MAN1A2: variants seen among roughly 807,000 people sequenced by gnomAD.
MAN1A2 encodes the protein mannosidase alpha class 1A member 2, also known as mannosyl-oligosaccharide 1,2-alpha-mannosidase IB.
In MAN1A2, 26 loss-of-function variants were observed where a neutral mutation model predicts 75.7. The observed-to-expected ratio is 0.34, with a 90% CI of 0.25 to 0.48. The LOEUF (loss-of-function observed/expected upper bound fraction) is 0.48. Ranked by LOEUF, MAN1A2 falls within the 20% of genes least tolerant of loss-of-function variation. MAN1A2 has a pLI of 0.99. For synonymous variants in MAN1A2, 247 were observed against 264.6 expected (o/e 0.93, Z 0.65); for missense variants, 562 against 775.5 (o/e 0.72, Z 3.27).
At chr1:117,516,789 C>G (rs1651724865) in intron 12 of MAN1A2, among the ~76,000 whole-genome samples, 1 of 152,062 alleles carries the variant, frequency 6.6e-6, no homozygotes, top group Non-Finnish European at 1.5e-5. Flanking sequence ...GGAGATGAAG[C>G]TGTGAGTGTG....
chr1:117,525,104 T>G lies in MAN1A2; in HGVS notation c.*2147T>G, dbSNP rs1256849325. Reference sequence around the variant, plus strand: ...GGTTCTGCAGGAACTTCTCAAGGGATGAGGAGACAGAACCCCTACTTCCAA... The same window carrying G: ...GGTTCTGCAGGAACTTCTCAAGGGAGGAGGAGACAGAACCCCTACTTCCAA... On this transcript the variant is annotated 3_prime_UTR_variant, in exon 13 of 13. Transcript: ENST00000356554. 2 of 528,870 alleles carry G rather than the reference T, an allele frequency of 3.8e-6. No individual in the cohort carries two copies. Among genetic ancestry groups the G allele is most frequent in the Admixed American group, 3.9e-5 (2 of 50,994 alleles). 32.8% of individuals were successfully genotyped at this position (528,870 alleles called of 1,614,324 possible).
At chr1:117,383,141 C>T (rs1031484283) in intron 1 of MAN1A2, among the ~76,000 whole-genome samples, 1 of 152,156 alleles carries the variant, frequency 6.6e-6, no homozygotes. Flanking sequence ...CAGTCTTTCA[C>T]CATTGAGTGT....
rs912782313 is a variant in MAN1A2, at chr1:117,463,122, AAAT to A, written c.1074+2511_1074+2513del. 1.2e-4 allele frequency among the ~76,000 whole-genome samples: 18 copies of A among 150,716 alleles called. 1 individual carries two copies. The highest frequency in any genetic ancestry group is 1.5e-5 in the Non-Finnish European group (1 of 67,650). On this transcript the variant is annotated intron_variant, in intron 7 of 12. Coordinates refer to ENST00000356554, the MANE Select transcript of MAN1A2 (RefSeq NM_006699.5). ...AATATTTTTATATTAATTATGTTAA[AAAT>A]TATTTTTATATCAATTATATTAATA...
Position 117,526,880 on chromosome 1 carries a change from C to CTCTCTCTCTCTCTCTCTCTATATATA in MAN1A2, c.*3924_*3925insCTCTCTCTCTCTCTCTCTATATATAT. 2 of 54,522 alleles carry CTCTCTCTCTCTCTCTCTCTATATATA rather than the reference C, an allele frequency of 3.7e-5. No homozygotes were observed. Among genetic ancestry groups the CTCTCTCTCTCTCTCTCTCTATATATA allele is most frequent in the African/African-American group, 1.6e-4 (2 of 12,288 alleles). The allele number at this position is 54,522 out of a possible 1,614,324, so 3.4% of individuals were successfully genotyped here. On this transcript the variant is annotated 3_prime_UTR_variant, in exon 13 of 13. Coordinates refer to ENST00000356554, the MANE Select transcript of MAN1A2 (RefSeq NM_006699.5). ...TCTCTCTCTCTCTCTCTCTCTCTCT[C>CTCTCTCTCTCTCTCTCTCTATATATA]TATATATATATATATATATATATAT... is the stretch of plus-strand genomic sequence containing the variant.
intron 4 of MAN1A2, among the ~76,000 whole-genome samples, chr1:117,417,560 T>TATATATATATATATATTG (rs1648041035): frequency 7.9e-6 from 1 of 126,222 alleles, no homozygotes; most frequent in Non-Finnish European, 1.7e-5. Context: ...TATATATATG[T>TATATATATATATATATTG]GATATATATG....
chr1:117,492,914 G>A (rs182632842), intron 8 of MAN1A2, among the ~76,000 whole-genome samples: 1 of 152,118 alleles, frequency 6.6e-6, no homozygotes, highest in Admixed American at 6.6e-5. Context: ...AGTATGTGAA[G>A]CACCACATCC....
chr1:117,412,766 CATG>C (rs1359181295), intron 3 of MAN1A2, among the ~76,000 whole-genome samples: 6 of 151,792 alleles, frequency 4.0e-5, no homozygotes, highest in Admixed American at 6.6e-5. Flanking sequence ...GGTAAACAAT[CATG>C]ATGATAGCCA....
In MAN1A2 at chr1:117,368,062, C is replaced by A. The variant is rs936873954; in HGVS notation, c.-122C>A. The A allele has an allele frequency of 1.1e-6, 1 of 943,268 alleles. No homozygotes were observed. The highest frequency in any genetic ancestry group is 1.6e-5 in the South Asian group (1 of 61,212). 58.4% of individuals were successfully genotyped at this position (943,268 alleles called of 1,614,324 possible). ...GTGCCCTCTTAAAAAGCACAACAGT[C>A]CTTTAAGAGGAGCAAAATTGAGTTT... On this transcript the variant is annotated 5_prime_UTR_variant, in exon 1 of 13. Transcript: ENST00000356554.
At chr1:117,480,840 T>A (rs537272265) in intron 8 of MAN1A2, among the ~76,000 whole-genome samples, 1 of 152,032 alleles carries the variant, frequency 6.6e-6, no homozygotes, top group South Asian at 2.1e-4. Flanking sequence ...AAAGAGTTAA[T>A]CCCTCTGTTC....
intron 8 of MAN1A2, among the ~76,000 whole-genome samples, chr1:117,471,997 A>C (rs1238909909): frequency 6.6e-6 from 1 of 151,926 alleles, no homozygotes; most frequent in East Asian, 1.9e-4. Flanking sequence ...CAGCAGAAGG[A>C]CATACTAGAA....
intron 3 of MAN1A2, among the ~76,000 whole-genome samples, chr1:117,406,297 C>G (rs889302157): frequency 6.6e-6 from 1 of 152,168 alleles, no homozygotes; most frequent in African/African-American, 2.4e-5. Context: ...TCTTTGTAGT[C>G]TTCACTCCTT....
At chr1:117,377,505 C>CTTCT (rs763463149) in intron 1 of MAN1A2, among the ~76,000 whole-genome samples, 2 of 152,234 alleles carry the variant, frequency 1.3e-5, no homozygotes, top group Non-Finnish European at 2.9e-5. Context: ...GTTCAAATCA[C>CTTCT]TTCTTTCACA....
intron 1 of MAN1A2, among the ~76,000 whole-genome samples, chr1:117,383,416 G>C (rs1306448486): frequency 6.6e-6 from 1 of 152,098 alleles, no homozygotes; most frequent in African/African-American, 2.4e-5. Flanking sequence ...TTAGTCTGTA[G>C]TTTTCTTGGA....
At chr1:117,409,853 T>C (rs767561958) in intron 3 of MAN1A2, among the ~76,000 whole-genome samples, 2 of 152,078 alleles carry the variant, frequency 1.3e-5, no homozygotes, top group South Asian at 2.1e-4. Flanking sequence ...ATATCCCTTA[T>C]GAACATAGAC....
At chr1:117,377,420 C>G (rs985255126) in intron 1 of MAN1A2, among the ~76,000 whole-genome samples, 3 of 152,156 alleles carry the variant, frequency 2.0e-5, no homozygotes, top group African/African-American at 7.2e-5. Context: ...TTTATATCAA[C>G]TAACTTATAG....
intron 7 of MAN1A2, among the ~76,000 whole-genome samples, chr1:117,465,933 T>G (rs1271790275): frequency 6.6e-6 from 1 of 152,164 alleles, no homozygotes; most frequent in Non-Finnish European, 1.5e-5. Flanking sequence ...CAAAATACAA[T>G]GGCATTTTAT....
chr1:117,405,890 C>T (rs1557937141), intron 3 of MAN1A2, among the ~76,000 whole-genome samples: 2 of 151,604 alleles, frequency 1.3e-5, no homozygotes, highest in Non-Finnish European at 1.5e-5. Context: ...TATTTAAAAG[C>T]TTTTTTTTGG....
At chr1:117,510,736 G>T (rs1001365434) in intron 12 of MAN1A2, among the ~76,000 whole-genome samples, 1 of 152,020 alleles carries the variant, frequency 6.6e-6, no homozygotes, top group Admixed American at 6.6e-5. Context: ...CCTGATGTGT[G>T]CCAGCTGTTT....
chr1:117,445,643 C>T (rs1469185732), intron 6 of MAN1A2, among the ~76,000 whole-genome samples: 3 of 151,908 alleles, frequency 2.0e-5, no homozygotes, highest in Admixed American at 6.6e-5. Context: ...CCCCCCATCT[C>T]AGCCTCTCTA....
Sources: allele counts gnomAD v4.1 joint callset (sites outside exome capture counted in the v4.1 genomes callset), GRCh38; gene constraint gnomAD v4.1.1; transcripts MANE v1.5; gene names NCBI Gene and HGNC (gene_info 2026-07-23, HGNC 2026-07-21).